Variants in CD99L2 observed in about 807,000 individuals in gnomAD.
CD99L2 encodes the protein CD99 antigen-like protein 2.
Under a neutral mutation model 27.3 loss-of-function variants are expected in CD99L2, and 24 were observed. That is an observed-to-expected ratio of 0.88 (90% CI 0.64 to 1.24). The LOEUF (loss-of-function observed/expected upper bound fraction) is 1.24. Ranked by LOEUF, CD99L2 falls within the 50% of genes most tolerant of loss-of-function variation. The pLI is 0.00. For missense variants in CD99L2, 255 were observed against 221.6 expected (o/e 1.15, Z -0.96); for synonymous variants, 97 against 87.9 (o/e 1.10, Z -0.58).
At chrX:150,775,929 G>A (rs868952005) in intron 9 of CD99L2, among the ~76,000 whole-genome samples, 66 of 112,362 alleles carry the variant, frequency 5.9e-4, no homozygotes, top group South Asian at 1.5e-3. Context: ...CTGGGAGCTG[G>A]GGCCCTGGAA....
chrX:150,863,942 A>C (rs2047019321), intron 1 of CD99L2, among the ~76,000 whole-genome samples: 1 of 111,847 alleles, frequency 8.9e-6, no homozygotes, highest in Admixed American at 9.6e-5. Context: ...GGGAGAGACA[A>C]GATTCTTCTA....
In CD99L2 at chrX:150,857,029, T is replaced by C. The variant is rs782498432; in HGVS notation, c.68-25736A>G. On this transcript the variant is annotated intron_variant, in intron 1 of 10. Transcript: ENST00000370377. ...CAAACAGAAGAAAGAATCTCAGAAC[T>C]GGAAGACAGGTCTTTTGAGATAACC... is the stretch of plus-strand genomic sequence containing the variant. 3.0e-4 allele frequency among the ~76,000 whole-genome samples: 33 copies of C among 110,895 alleles called. No homozygotes were observed. In the South Asian group the frequency reaches 3.8e-3, roughly 13 times the overall value.
At chrX:150,848,690 G>A (rs2046743476) in intron 1 of CD99L2, among the ~76,000 whole-genome samples, 1 of 111,019 alleles carries the variant, frequency 9.0e-6, no homozygotes, top group African/African-American at 3.3e-5. Context: ...CTAAAATGCA[G>A]CAAAGTAATC....
At chrX:150,792,859 C>G (rs1458789707) in intron 7 of CD99L2, among the ~76,000 whole-genome samples, 1 of 112,258 alleles carries the variant, frequency 8.9e-6, no homozygotes, top group Non-Finnish European at 1.9e-5. Context: ...TCCCTCCAGA[C>G]TTGATGTATA....
chrX:150,776,568 C>G (rs782539583), intron 8 of CD99L2, among the ~76,000 whole-genome samples: 1 of 111,889 alleles, frequency 8.9e-6, no homozygotes, highest in Non-Finnish European at 1.9e-5. Context: ...CTGTGACTGA[C>G]GCCCTGCAGG....
chrX:150,857,998 G>T (rs1319017913), intron 1 of CD99L2, among the ~76,000 whole-genome samples: 1 of 112,019 alleles, frequency 8.9e-6, no homozygotes, highest in East Asian at 2.8e-4. Context: ...GGTGGAAAAA[G>T]ATATTCCATG....
In CD99L2 at chrX:150,828,666, A is replaced by C. The variant is rs911082051; in HGVS notation, c.130+2565T>G. ...AATATATGATGCTCCATTTGACTAC[A>C]ATCAGGGGAATGCATAATAAGCAAT... On this transcript the variant is annotated intron_variant, in intron 2 of 10. Coordinates refer to ENST00000370377, the MANE Select transcript of CD99L2 (RefSeq NM_031462.4). The C allele has an allele frequency of 3.6e-5, 4 of 111,757 alleles. No individual in the cohort carries two copies. In the Admixed American group the frequency reaches 3.8e-4, roughly 11 times the overall value. The allele number at this position is 111,757 out of a possible 1,213,427, so 9.2% of individuals were successfully genotyped here.
intron 7 of CD99L2, among the ~76,000 whole-genome samples, chrX:150,787,248 T>C (rs2045608727): frequency 8.9e-6 from 1 of 112,257 alleles, no homozygotes; most frequent in African/African-American, 3.2e-5. Context: ...TTTTTGTTTT[T>C]GTTGCAATTG....
intron 1 of CD99L2, among the ~76,000 whole-genome samples, chrX:150,851,994 A>AT (rs1172878857): frequency 8.9e-6 from 1 of 111,935 alleles, no homozygotes; most frequent in Non-Finnish European, 1.9e-5. Context: ...AGGGAACATT[A>AT]GTCTACTGAC....
chrX:150,774,464 G>A (rs185529996), intron 9 of CD99L2, among the ~76,000 whole-genome samples: 4 of 111,870 alleles, frequency 3.6e-5, no homozygotes, highest in South Asian at 3.8e-4. Flanking sequence ...ATCCCTGGCC[G>A]TGGGGAAGGC....
rs189400306 is a variant in CD99L2 at position 150,794,128 on chromosome X, G to C, written c.431-372C>G. Among the ~76,000 whole-genome samples the C allele has an allele frequency of 2.9e-3, 321 of 111,991 alleles. 2 individuals are homozygous for C. The highest frequency in any genetic ancestry group is 9.7e-3 in the African/African-American group (298 of 30,828). ...ACTTAATCAGGTGACATCCTCAAAAGCAGGTTCAGGCCTTCTCTGAGCTCA... is the reference window on the plus strand; with the variant it reads ...ACTTAATCAGGTGACATCCTCAAAACCAGGTTCAGGCCTTCTCTGAGCTCA... On this transcript the variant is annotated intron_variant, in intron 6 of 10. Coordinates refer to ENST00000370377, the MANE Select transcript of CD99L2 (RefSeq NM_031462.4).
At chrX:150,852,791 C>T (rs1557421639) in intron 1 of CD99L2, among the ~76,000 whole-genome samples, 1 of 111,642 alleles carries the variant, frequency 9.0e-6, no homozygotes, top group Non-Finnish European at 1.9e-5. Context: ...TCCGAATTTC[C>T]TTCCTTCTTA....
intron 1 of CD99L2, among the ~76,000 whole-genome samples, chrX:150,879,750 T>TAAAAA (rs60706288): frequency 1.5e-4 from 3 of 19,387 alleles, no homozygotes; most frequent in African/African-American, 4.6e-4. Context: ...CTACAAAAAC[T>TAAAAA]AAAAAAAAAA....
chrX:150,777,907 T>C (rs1281435396), intron 7 of CD99L2, among the ~76,000 whole-genome samples: 2 of 112,172 alleles, frequency 1.8e-5, no homozygotes, highest in Non-Finnish European at 3.8e-5. Context: ...CTGCCTCAAC[T>C]ATAGCTGAAG....
intron 1 of CD99L2, among the ~76,000 whole-genome samples, chrX:150,832,356 C>T (rs1243423552): frequency 2.7e-5 from 3 of 112,255 alleles, no homozygotes; most frequent in Non-Finnish European, 5.6e-5. Flanking sequence ...CAGTGGCTCA[C>T]GCCTGTTATC....
intron 10 of CD99L2, 77 bp from the exon 11 acceptor site, chrX:150,769,178 G>A: frequency 1.9e-6 from 2 of 1,065,038 alleles, no homozygotes; most frequent in East Asian, 7.0e-5. Flanking sequence ...GCAAGCCCGT[G>A]CTGGGAACAG....
In CD99L2 at chrX:150,768,973, T is replaced by TG. The variant is rs2043359190; in HGVS notation, c.*60dup. On this transcript the variant is annotated 3_prime_UTR_variant, in exon 11 of 11. Coordinates refer to ENST00000370377, the MANE Select transcript of CD99L2 (RefSeq NM_031462.4). ...GCAGCTGCGGGTCCAAATGAAGGGG[T>TG]GGGGGGAGCCGGGTGACAAGCGGTG... 1 of 1,102,135 alleles carries TG rather than the reference T, an allele frequency of 9.1e-7. No homozygotes were observed. The highest frequency in any genetic ancestry group is 2.0e-5 in the African/African-American group (1 of 51,147). The allele number at this position is 1,102,135 out of a possible 1,213,427, so 90.8% of individuals were successfully genotyped here. A position where few individuals can be genotyped will look rare whatever the true frequency, so the allele number is the denominator to read the frequency against.
At chrX:150,771,455 C>T (rs1232667975) in intron 9 of CD99L2, among the ~76,000 whole-genome samples, 5 of 112,303 alleles carry the variant, frequency 4.5e-5, no homozygotes, top group South Asian at 7.3e-4. Flanking sequence ...CCCTGAGCCT[C>T]GTGATCACTG....
At chrX:150,840,920 C>T (rs868929283) in intron 1 of CD99L2, among the ~76,000 whole-genome samples, 3 of 109,883 alleles carry the variant, frequency 2.7e-5, no homozygotes, top group African/African-American at 1.0e-4. Context: ...AATTTACTCT[C>T]AAGTGGCTTG....
Sources: allele counts gnomAD v4.1 joint callset (sites outside exome capture counted in the v4.1 genomes callset), GRCh38; gene constraint gnomAD v4.1.1; transcripts MANE v1.5; gene names NCBI Gene and HGNC (gene_info 2026-07-23, HGNC 2026-07-21).